SV2C: variants seen among roughly 807,000 people sequenced by gnomAD.
SV2C encodes the protein solute carrier family 22 member B3.
SV2C carries 49 observed loss-of-function variants against 79.7 expected under a neutral mutation model. The ratio of observed to expected loss-of-function variants is 0.61; its 90% confidence interval spans 0.49 to 0.78. The LOEUF is 0.78. SV2C is among the 30% of genes least tolerant of loss of function. SV2C has a pLI of 0.00. For missense variants in SV2C, 833 were observed against 912.9 expected (o/e 0.91, Z 1.13); for synonymous variants, 334 against 333.2 (o/e 1.00, Z -0.03).
intron 10 of SV2C, among the ~76,000 whole-genome samples, chr5:76,299,612 A>G (rs1300140536): frequency 6.6e-6 from 1 of 152,254 alleles, no homozygotes; most frequent in Non-Finnish European, 1.5e-5. Flanking sequence ...TGAATCCAGC[A>G]TAACAGCGTG....
At chr5:76,130,172 A>C (rs1748838481) in intron 1 of SV2C, among the ~76,000 whole-genome samples, 1 of 124,964 alleles carries the variant, frequency 8.0e-6, no homozygotes, top group Non-Finnish European at 1.9e-5. Flanking sequence ...AAAAAAAAAA[A>C]AAAAAAAAGA....
the SV2C span, among the ~76,000 whole-genome samples, chr5:76,042,607 T>G: frequency 1.3e-5 from 2 of 152,224 alleles, no homozygotes; most frequent in African/African-American, 4.8e-5. Context: ...TGAGATGACT[T>G]TCTTGTTTCT....
chr5:76,298,230 T>A (rs1016230108), intron 9 of SV2C, among the ~76,000 whole-genome samples: 8 of 152,064 alleles, frequency 5.3e-5, no homozygotes, highest in Non-Finnish European at 1.2e-4. Flanking sequence ...CACCTATGAG[T>A]TTCTTCAACC....
In SV2C at chr5:76,194,962, G is replaced by A; in HGVS notation, c.624G>A (p.Trp208Ter). 2 of 1,614,046 alleles carry A rather than the reference G, an allele frequency of 1.2e-6. No homozygotes were observed. The highest frequency in any genetic ancestry group is 8.5e-7 in the Non-Finnish European group (1 of 1,179,948). ...GGATGATGGTGGGGGCGTTCTTCTG[G>A]GGAGGACTGGCAGACAAAGTGGGAA... is the stretch of plus-strand genomic sequence containing the variant. ...YLGMMVGAFFWGGLADKVGRK... is the reference protein window; with the variant it reads ...YLGMMVGAFF The change falls in exon 3 of 13, where the codon TGG (tryptophan) becomes TGA (stop). Residue 208 changes from tryptophan (W) to a stop codon, truncating the protein, a stop_gained. Transcript: ENST00000502798. LOFTEE classifies it high-confidence loss of function.
At chr5:76,135,456 A>C (rs918803758) in intron 2 of SV2C, among the ~76,000 whole-genome samples, 3 of 152,106 alleles carry the variant, frequency 2.0e-5, no homozygotes, top group African/African-American at 7.2e-5. Context: ...TTAAGGAGGT[A>C]GAGGAGAAGC....
chr5:76,056,811 T>G, the SV2C span, among the ~76,000 whole-genome samples: 3 of 151,994 alleles, frequency 2.0e-5, no homozygotes, highest in Non-Finnish European at 4.4e-5. Flanking sequence ...GTTTATAATA[T>G]TCTCTGATGG....
intron 12 of SV2C, among the ~76,000 whole-genome samples, chr5:76,349,929 A>G (rs1413550587): frequency 6.6e-6 from 1 of 152,170 alleles, no homozygotes; most frequent in Non-Finnish European, 1.5e-5. Context: ...AAGACTTGCT[A>G]TAGCAAGTAC....
At chr5:75,882,026 A>C in the SV2C span, among the ~76,000 whole-genome samples, 6 of 150,044 alleles carry the variant, frequency 4.0e-5, 1 homozygote, top group South Asian at 4.2e-4. Flanking sequence ...GAATTTTGTC[A>C]AAGGCCTTTT....
In SV2C at chr5:76,276,467, C is replaced by T. The variant is rs192124949; in HGVS notation, c.914-8695C>T. On this transcript the variant is annotated intron_variant, in intron 4 of 12. Coordinates refer to ENST00000502798, the MANE Select transcript of SV2C (RefSeq NM_014979.4). ...CCTCCCACCTCAGCCTCCCAAGCAG[C>T]TGGGACTACAGGCATGTGCCTGGCT... 1.2e-3 allele frequency among the ~76,000 whole-genome samples: 183 copies of T among 152,284 alleles called. 1 individual carries two copies. The highest frequency in any genetic ancestry group is 2.2e-3 in the Non-Finnish European group (147 of 68,018).
At chr5:75,883,876 A>C in the SV2C span, among the ~76,000 whole-genome samples, 1 of 151,926 alleles carries the variant, frequency 6.6e-6, no homozygotes, top group Non-Finnish European at 1.5e-5. Context: ...CATTTCTTTC[A>C]GGTGTATTTC....
chr5:75,964,230 G>A, the SV2C span, among the ~76,000 whole-genome samples: 5 of 152,238 alleles, frequency 3.3e-5, no homozygotes, highest in Admixed American at 3.3e-4. Context: ...CTGACTGGGA[G>A]CTCTGTTCAC....
chr5:76,081,698 A>G (rs191455005), upstream of SV2C, among the ~76,000 whole-genome samples: 2 of 152,364 alleles, frequency 1.3e-5, no homozygotes, highest in East Asian at 3.9e-4. Context: ...TGTAGGTTCA[A>G]CAGCACATGA....
intron 2 of SV2C, chr5:76,173,722 A>G: frequency 1.2e-6 from 2 of 1,613,518 alleles, no homozygotes; most frequent in Non-Finnish European, 1.7e-6. Context: ...AGATCTCATT[A>G]ACATTTATTT....
At chr5:76,036,716 A>C in the SV2C span, among the ~76,000 whole-genome samples, 1 of 151,988 alleles carries the variant, frequency 6.6e-6, no homozygotes, top group African/African-American at 2.4e-5. Context: ...TCTGACAATT[A>C]GGTGTCTTGG....
chr5:76,041,900 G>C, the SV2C span, among the ~76,000 whole-genome samples: 1 of 152,238 alleles, frequency 6.6e-6, no homozygotes, highest in African/African-American at 2.4e-5. Context: ...ACTGACGGAA[G>C]AGAATCTAGC....
rs1398992442 is a variant in SV2C at position 76,321,916 on chromosome 5, TG to T, written c.2001-3447del. Among the ~76,000 whole-genome samples the T allele has an allele frequency of 1.2e-4, 18 of 152,246 alleles. No homozygotes were observed. The East Asian group carries it at 3.5e-3, about 29-fold the overall frequency. On this transcript the variant is annotated intron_variant, in intron 12 of 12. Coordinates refer to ENST00000502798, the MANE Select transcript of SV2C (RefSeq NM_014979.4). ...AACAAGATCTTCCTAGGCCCACAAT[TG>T]ATTCTCTTCTGTCATATTTTCTTGG...
chr5:76,337,263 T>C (rs1749347185), downstream of SV2C, among the ~76,000 whole-genome samples: 1 of 152,180 alleles, frequency 6.6e-6, no homozygotes, highest in East Asian at 1.9e-4. Flanking sequence ...TGTCTTCAGA[T>C]AGTCTTCCCT....
chr5:76,288,799 A>G (rs150965544), intron 6 of SV2C, among the ~76,000 whole-genome samples: 213 of 152,344 alleles, frequency 1.4e-3, no homozygotes, highest in African/African-American at 4.8e-3. Flanking sequence ...TGATTCTGCC[A>G]TAACAAATTT....
At chr5:76,013,536 A>G in the SV2C span, among the ~76,000 whole-genome samples, 4 of 152,312 alleles carry the variant, frequency 2.6e-5, no homozygotes, top group South Asian at 8.3e-4. Flanking sequence ...TAAATATACA[A>G]TCATGTCATC....
Sources: gnomAD v4.1 joint callset for allele counts (sites outside exome capture counted in the v4.1 genomes callset) on GRCh38, gnomAD v4.1.1 for gene constraint, MANE v1.5 for transcripts, NCBI Gene and HGNC (gene_info 2026-07-23, HGNC 2026-07-21) for gene names.